The following ERCC8 variants were observed in gnomAD, a reference collection of about 807,000 sequenced individuals.
The protein encoded by ERCC8 is ERCC excision repair 8, CSA ubiquitin ligase complex subunit, also known as DNA excision repair protein ERCC-8.
In ERCC8, 52 loss-of-function variants were observed where a neutral mutation model predicts 54.9. That is an observed-to-expected ratio of 0.95 (90% CI 0.76 to 1.19). The LOEUF is 1.19. ERCC8 is among the 50% of genes most tolerant of loss of function. The probability of loss-of-function intolerance (pLI) is 0.00; values close to 1 mark genes in which losing one functional copy is unlikely to be tolerated. For missense variants in ERCC8, 514 were observed against 466.1 expected (o/e 1.10, Z -0.95); for synonymous variants, 146 against 157.2 (o/e 0.93, Z 0.53).
intron 9 of ERCC8, chr5:60,893,723 C>T (rs180689940): frequency 1.7e-4 from 70 of 419,194 alleles, no homozygotes; most frequent in African/African-American, 1.4e-3. Flanking sequence ...TGGCGGCGCC[C>T]GACTCCGCCC....
intron 1 of ERCC8, among the ~76,000 whole-genome samples, chr5:60,937,252 G>A (rs1417844668): frequency 6.6e-6 from 1 of 152,190 alleles, no homozygotes; most frequent in Non-Finnish European, 1.5e-5. Context: ...TGTGTTGGTT[G>A]GCCTCCAGCC....
intron 4 of ERCC8, among the ~76,000 whole-genome samples, chr5:60,912,972 T>A (rs1015895935): frequency 2.6e-5 from 4 of 152,122 alleles, no homozygotes; most frequent in African/African-American, 7.3e-5. Flanking sequence ...AGCTTTTTGA[T>A]GTGCTGTTGG....
chr5:60,919,450 G>A (rs1406095034), intron 3 of ERCC8: 2 of 151,964 alleles, frequency 1.3e-5, no homozygotes, highest in Non-Finnish European at 2.9e-5. Flanking sequence ...TCCTTAAGAT[G>A]AAGGTTTGGG....
intron 1 of ERCC8, 94 bp downstream of exon 1, chr5:60,944,838 G>A: frequency 2.2e-6 from 2 of 924,540 alleles, no homozygotes; most frequent in Non-Finnish European, 3.6e-6. Flanking sequence ...TTGGTGGCAG[G>A]AGAGCGATGA....
At chr5:60,905,565 T>C (rs1749047558) in intron 4 of ERCC8, among the ~76,000 whole-genome samples, 1 of 152,220 alleles carries the variant, frequency 6.6e-6, no homozygotes, top group African/African-American at 2.4e-5. Context: ...CACCAGGTGT[T>C]GGCAAACTTT....
chr5:60,903,766 A>C (rs1235209958), intron 5 of ERCC8, 50 bp from the exon 6 acceptor site: 2 of 1,564,870 alleles, frequency 1.3e-6, no homozygotes, highest in South Asian at 2.2e-5. Context: ...GTCATCATCA[A>C]AAGGAAACAA....
At chr5:60,908,785 A>G (rs992772389) in intron 4 of ERCC8, among the ~76,000 whole-genome samples, 1 of 152,056 alleles carries the variant, frequency 6.6e-6, no homozygotes, top group Non-Finnish European at 1.5e-5. Flanking sequence ...TTCAAGATAA[A>G]TGAGTCCAGC....
intron 9 of ERCC8, chr5:60,892,720 T>C: frequency 1.5e-6 from 1 of 688,834 alleles, no homozygotes; most frequent in Non-Finnish European, 2.7e-6. Flanking sequence ...TGCAGGATGG[T>C]GCCCACCTCT....
At chr5:60,942,052 G>A (rs550759234) in intron 1 of ERCC8, among the ~76,000 whole-genome samples, 18 of 152,160 alleles carry the variant, frequency 1.2e-4, no homozygotes, top group African/African-American at 4.3e-4. Context: ...AGTAGACAAC[G>A]AAAAGTAAGT....
chr5:60,888,179 G>T (rs561122971), intron 10 of ERCC8, among the ~76,000 whole-genome samples: 2 of 151,920 alleles, frequency 1.3e-5, no homozygotes, highest in African/African-American at 2.4e-5. Flanking sequence ...TTTTATTATT[G>T]TACATCTCAA....
chr5:60,925,574 C>A (rs571555555), intron 2 of ERCC8, among the ~76,000 whole-genome samples: 1 of 152,276 alleles, frequency 6.6e-6, no homozygotes, highest in East Asian at 1.9e-4. Flanking sequence ...TTACTTTGGA[C>A]TTATCCAGGT....
intron 2 of ERCC8, among the ~76,000 whole-genome samples, chr5:60,927,055 G>C (rs1434865604): frequency 1.3e-5 from 2 of 152,182 alleles, no homozygotes; most frequent in African/African-American, 4.8e-5. Flanking sequence ...AAAGATGAAT[G>C]AAATTAACTT....
At chr5:60,874,814 G>A (rs953932879) in intron 11 of ERCC8, 131 bp from the exon 12 acceptor site, 2 of 742,398 alleles carry the variant, frequency 2.7e-6, no homozygotes, top group South Asian at 1.8e-5. Context: ...ATGTATAACT[G>A]TTAATTTCAG....
intron 8 of ERCC8, among the ~76,000 whole-genome samples, chr5:60,899,082 T>TA (rs887730726): frequency 1.3e-5 from 2 of 151,272 alleles, no homozygotes; most frequent in African/African-American, 4.8e-5. Flanking sequence ...CATAAAACTA[T>TA]AGTTGTTAAG....
intron 1 of ERCC8, among the ~76,000 whole-genome samples, chr5:60,934,968 C>T (rs568718483): frequency 6.6e-6 from 1 of 152,128 alleles, no homozygotes; most frequent in African/African-American, 2.4e-5. Context: ...GTGACTATGG[C>T]CTTATAGTAT....
chr5:60,899,921 T>C (rs1345815361), intron 7 of ERCC8, among the ~76,000 whole-genome samples, 194 bp from the exon 8 acceptor site: 1 of 150,566 alleles, frequency 6.6e-6, no homozygotes, highest in Non-Finnish European at 1.5e-5. Context: ...AGTGAGTAAA[T>C]AGCAAAAAAA....
At chr5:60,910,933 G>A (rs1349055350) in intron 4 of ERCC8, among the ~76,000 whole-genome samples, 2 of 151,796 alleles carry the variant, frequency 1.3e-5, no homozygotes, top group South Asian at 2.1e-4. Flanking sequence ...TAATGCAAAG[G>A]GAAAGCTTTC....
intron 2 of ERCC8, among the ~76,000 whole-genome samples, chr5:60,925,552 C>T (rs906927286): frequency 1.3e-5 from 2 of 152,216 alleles, no homozygotes; most frequent in Non-Finnish European, 2.9e-5. Context: ...AAGTTTTCAA[C>T]CAACCTGTTG....
Position 60,887,522 on chromosome 5 carries a change from TATAAC to T in ERCC8, c.1042-7_1042-3del, listed in dbSNP as rs1561497111. ...GTCTCTGCTACCACTATAAAGTTCC[TATAAC>T]ATAGAAGGCAAAGATGATACTGTGG... is the stretch of plus-strand genomic sequence containing the variant. On this transcript the variant is annotated splice_polypyrimidine_tract_variant and splice_region_variant and intron_variant, in intron 10 of 11. Coordinates refer to ENST00000676185, the MANE Select transcript of ERCC8 (RefSeq NM_000082.4). 6.2e-7 allele frequency: 1 copy of T among 1,612,106 alleles called. No individual in the cohort carries two copies. Among genetic ancestry groups the T allele is most frequent in the East Asian group, 2.2e-5 (1 of 44,838 alleles).
Sources: gnomAD v4.1 joint callset for allele counts (sites outside exome capture counted in the v4.1 genomes callset) on GRCh38, gnomAD v4.1.1 for gene constraint, MANE v1.5 for transcripts, NCBI Gene and HGNC (gene_info 2026-07-23, HGNC 2026-07-21) for gene names.